PUDP: variants seen among roughly 807,000 people sequenced by gnomAD.
PUDP encodes the protein pseudouridine-5'-phosphatase.
In PUDP, 8 loss-of-function variants were observed where a neutral mutation model predicts 9.4. That is an observed-to-expected ratio of 0.85 (90% CI 0.50 to 1.53). The LOEUF is 1.53. Among genes scored for constraint, PUDP ranks in the 40% most tolerant of loss-of-function variants. The pLI is 0.00. For synonymous variants in PUDP, 99 were observed against 80.7 expected (o/e 1.23, Z -1.22); for missense variants, 188 against 189.7 (o/e 0.99, Z 0.05).
At chrX:7,081,643 A>G (rs181143374) in intron 2 of PUDP, among the ~76,000 whole-genome samples, 1 of 112,733 alleles carries the variant, frequency 8.9e-6, no homozygotes, top group East Asian at 2.8e-4. Flanking sequence ...GAGATCTCCA[A>G]AATGCTTGGG....
chrX:7,066,903 G>GCA (rs1491243962), intron 3 of PUDP, among the ~76,000 whole-genome samples: 2 of 111,172 alleles, frequency 1.8e-5, no homozygotes, highest in Admixed American at 9.4e-5. Context: ...GCACATGCAT[G>GCA]CGCACACACA....
chrX:7,012,715 C>G (rs1461712584), intron 1 of PUDP, among the ~76,000 whole-genome samples: 1 of 110,863 alleles, frequency 9.0e-6, no homozygotes, highest in African/African-American at 3.3e-5. Context: ...GAGATGATGC[C>G]ACTCAGACCT....
chrX:6,970,558 C>G (rs1368648648), intron 3 of PUDP, among the ~76,000 whole-genome samples: 1 of 111,326 alleles, frequency 9.0e-6, no homozygotes, highest in Non-Finnish European at 1.9e-5. Context: ...AGCCCCTTTG[C>G]ATTCATATTT....
At chrX:6,854,038 A>G (rs747241260) in intron 3 of PUDP, among the ~76,000 whole-genome samples, 6 of 111,917 alleles carry the variant, frequency 5.4e-5, no homozygotes, top group Non-Finnish European at 9.4e-5. Context: ...TGCTGGGATT[A>G]TAGGTATGAG....
chrX:7,104,654 C>T (rs1485976402), intron 2 of PUDP, among the ~76,000 whole-genome samples: 1 of 111,459 alleles, frequency 9.0e-6, no homozygotes, highest in Non-Finnish European at 1.9e-5. Flanking sequence ...TGCAGAAAGA[C>T]ACTAGATGCA....
chrX:6,880,603 A>G (rs149526107), intron 3 of PUDP, among the ~76,000 whole-genome samples: 1,654 of 112,140 alleles, frequency 0.015, 33 homozygotes, highest in African/African-American at 0.05. Context: ...TAAATTACCA[A>G]TCTTACTCTA....
At chrX:7,015,189 T>G (rs778081813) in intron 1 of PUDP, among the ~76,000 whole-genome samples, 1 of 112,135 alleles carries the variant, frequency 8.9e-6, no homozygotes, top group African/African-American at 3.2e-5. Context: ...CTTAAATATT[T>G]ATTTGATCAC....
At chrX:7,071,984 T>C (rs1321500333) in intron 3 of PUDP, among the ~76,000 whole-genome samples, 2 of 110,779 alleles carry the variant, frequency 1.8e-5, no homozygotes, top group Non-Finnish European at 3.8e-5. Flanking sequence ...AGAGACACGG[T>C]TTCACTATGT....
intron 3 of PUDP, among the ~76,000 whole-genome samples, chrX:6,825,140 C>T (rs953268289): frequency 5.4e-5 from 6 of 111,443 alleles, no homozygotes; most frequent in Non-Finnish European, 1.1e-4. Context: ...TACAAGAGCA[C>T]GCAGAGGGAC....
intron 1 of PUDP, among the ~76,000 whole-genome samples, chrX:6,980,609 G>A (rs199610748): frequency 4.6e-5 from 5 of 109,262 alleles, no homozygotes; most frequent in African/African-American, 1.0e-4. Context: ...CATTACAGCC[G>A]GCCCTCTGTA....
At chrX:7,108,544 C>A (rs767356775) in intron 1 of PUDP, among the ~76,000 whole-genome samples, 46 of 111,554 alleles carry the variant, frequency 4.1e-4, no homozygotes, top group Non-Finnish European at 6.2e-4. Context: ...GGCTTCTCCA[C>A]CTCCTGATGG....
intron 1 of PUDP, among the ~76,000 whole-genome samples, chrX:7,037,927 A>G (rs993805741): frequency 3.6e-5 from 4 of 111,777 alleles, no homozygotes; most frequent in Non-Finnish European, 7.5e-5. Flanking sequence ...TTAATGCTAT[A>G]TAAGGACAGA....
chrX:7,011,636 C>T (rs1166538073), intron 1 of PUDP, among the ~76,000 whole-genome samples: 1 of 111,997 alleles, frequency 8.9e-6, no homozygotes, highest in Non-Finnish European at 1.9e-5. Flanking sequence ...ATGAAAATGC[C>T]TGGGGAAGAA....
intron 3 of PUDP, among the ~76,000 whole-genome samples, chrX:6,815,376 C>T (rs908024099): frequency 2.7e-5 from 3 of 111,649 alleles, no homozygotes; most frequent in Non-Finnish European, 5.6e-5. Flanking sequence ...AAACTGGAAA[C>T]AACAGACACC....
rs892826248 is a variant in PUDP at position 7,107,924 on chromosome X, G to T, written c.62-2086C>A. Among the ~76,000 whole-genome samples, 25 of 112,665 alleles carry T rather than the reference G, an allele frequency of 2.2e-4. No individual in the cohort carries two copies. In the South Asian group the frequency reaches 2.6e-3, roughly 12 times the overall value. On this transcript the variant is annotated intron_variant, in intron 1 of 3. Transcript: ENST00000381077. ...CTGCCTGCACCACACGGCAGGATTC[G>T]CTGTGTCACACATGGAGGAGGCCGG... is the stretch of plus-strand genomic sequence containing the variant.
At chrX:6,734,871 T>G (rs774085983) in intron 3 of PUDP, among the ~76,000 whole-genome samples, 87 of 111,987 alleles carry the variant, frequency 7.8e-4, no homozygotes, top group African/African-American at 2.7e-3. Context: ...TCTCTTGGAT[T>G]TACGAGAATC....
intron 3 of PUDP, among the ~76,000 whole-genome samples, chrX:6,949,168 C>T (rs1928513117): frequency 8.9e-6 from 1 of 112,176 alleles, no homozygotes; most frequent in African/African-American, 3.2e-5. Flanking sequence ...AGAAGGCGGT[C>T]TCTTCATCCG....
At chrX:6,819,505 G>A (rs1046585787) in intron 3 of PUDP, among the ~76,000 whole-genome samples, 1 of 112,524 alleles carries the variant, frequency 8.9e-6, no homozygotes, top group African/African-American at 3.2e-5. Flanking sequence ...ACATTGCCAA[G>A]ATTTGAGTGC....
At chrX:7,055,211 G>A (rs1186380695) in intron 3 of PUDP, among the ~76,000 whole-genome samples, 1 of 111,054 alleles carries the variant, frequency 9.0e-6, no homozygotes, top group East Asian at 2.8e-4. Flanking sequence ...GTGTCCTGAA[G>A]CACCTATTAA....
Sources: allele counts gnomAD v4.1 joint callset (sites outside exome capture counted in the v4.1 genomes callset), GRCh38; gene constraint gnomAD v4.1.1; transcripts MANE v1.5; gene names NCBI Gene and HGNC (gene_info 2026-07-23, HGNC 2026-07-21).